Variants in EDC4 observed in about 807,000 individuals in gnomAD.
EDC4 encodes enhancer of mRNA decapping 4.
A neutral mutation model predicts 155.8 loss-of-function variants in EDC4; 64 were observed. That is an observed-to-expected ratio of 0.41 (90% CI 0.34 to 0.51). The LOEUF is 0.51. EDC4 is among the 20% of genes least tolerant of loss of function. The probability of loss-of-function intolerance (pLI) is 0.19; values close to 1 mark genes in which losing one functional copy is unlikely to be tolerated. For missense variants in EDC4, 1,303 were observed against 1,812.5 expected (o/e 0.72, Z 5.10); for synonymous variants, 684 against 716.8 (o/e 0.95, Z 0.73).
chr16:67,877,563 T>G lies in EDC4; in HGVS notation c.696T>G (p.Phe232Leu). The change falls in exon 6 of 29, where the codon TTT (phenylalanine) becomes TTG (leucine). Residue 232 changes from phenylalanine (F) to leucine (L), a missense_variant. Phe to Leu is a conservative substitution (Grantham distance 22). Transcript: ENST00000358933. This position sits in a 1 kb window ranked among gnomAD's most constrained non-coding sequence, Gnocchi z 4.9. Reference sequence around the variant, plus strand: ...CAGAGGGCACGCCACTGAACCACTTTCGCAGGATCATCTGGTGCCCCTTCA... The same window carrying G: ...CAGAGGGCACGCCACTGAACCACTTGCGCAGGATCATCTGGTGCCCCTTCA... ...RQPEGTPLNH[F>L]RRIIWCPFIP... 1.2e-6 allele frequency: 2 copies of G among 1,614,188 alleles called. No homozygotes were observed. Among genetic ancestry groups the G allele is most frequent in the Non-Finnish European group, 1.7e-6 (2 of 1,180,030 alleles).
rs200938098 is a variant in EDC4 at position 67,880,827 on chromosome 16, G to A, written c.2368G>A (p.Gly790Ser). The A allele has an allele frequency of 4.8e-5, 77 of 1,613,896 alleles. No individual in the cohort carries two copies. Among genetic ancestry groups the A allele is most frequent in the African/African-American group, 1.6e-4 (12 of 75,024 alleles). The part of the protein sequence containing the change: ...SPRPRPGPEL[G>S]PQLGLDGGPG... ...ACGGCCCCGGCCAGGGCCCGAGCTC[G>A]GCCCCCAGCTCGGGCTTGATGGAGG... Residue 790 changes from glycine (G) to serine (S), a missense_variant, in exon 18 of 29, where the codon GGC becomes AGC. Gly to Ser is a moderately conservative substitution (Grantham distance 56, BLOSUM62 0). Transcript: ENST00000358933. The surrounding 1 kb of genome is among the most constrained non-coding windows in gnomAD (Gnocchi z 5.2).
chr16:67,881,982 G>A lies in EDC4; in HGVS notation c.3033G>A (p.Glu1011=), dbSNP rs1398978298. 2.5e-6 allele frequency: 4 copies of A among 1,609,860 alleles called. No individual in the cohort carries two copies. The African/African-American group carries it at 5.4e-5, about 22-fold the overall frequency. The change falls in exon 23 of 29, where the codon GAG becomes GAA. Residue 1011 remains glutamate (E), a synonymous_variant. Coordinates refer to ENST00000358933, the MANE Select transcript of EDC4 (RefSeq NM_014329.5). The surrounding 1 kb of genome is among the most constrained non-coding windows in gnomAD (Gnocchi z 5.4). ...EQRRLERALA[E]GQQRGGQLQE... ...GGCGGCTGGAGCGAGCACTGGCTGAGGGGCAGCAGCGGGGAGGGCAGCTGC... is the reference window on the plus strand; with the variant it reads ...GGCGGCTGGAGCGAGCACTGGCTGAAGGGCAGCAGCGGGGAGGGCAGCTGC...
chr16:67,878,075 C>T lies in EDC4; in HGVS notation c.895-91C>T, dbSNP rs774138746. Reference sequence around the variant, plus strand: ...AGTCAGTCACACAAGCATGCCAGTCCCACCGTGAGTCAGCCCAGCTCATTG... The same window carrying T: ...AGTCAGTCACACAAGCATGCCAGTCTCACCGTGAGTCAGCCCAGCTCATTG... On this transcript the variant is annotated intron_variant, in intron 7 of 28. Transcript: ENST00000358933. This position sits in a 1 kb window ranked among gnomAD's most constrained non-coding sequence, Gnocchi z 5.2. 1.2e-4 allele frequency: 186 copies of T among 1,568,482 alleles called. No individual in the cohort carries two copies. Among genetic ancestry groups the T allele is most frequent in the Admixed American group, 2.0e-4 (11 of 53,802 alleles).
rs1194931970 is a variant in EDC4, at chr16:67,880,786, T to C, written c.2327T>C (p.Leu776Pro). ...PDSMASAASA[L>P]HLLSPRPRPG... Reference sequence around the variant, plus strand: ...AGTATGGCTTCAGCCGCCTCGGCACTGCACCTGCTGTCCCCACGGCCCCGG... The same window carrying C: ...AGTATGGCTTCAGCCGCCTCGGCACCGCACCTGCTGTCCCCACGGCCCCGG... Residue 776 changes from leucine to proline, a missense_variant, in exon 18 of 29, where the codon CTG becomes CCG. Leu to Pro is a moderately conservative substitution (Grantham distance 98). Around this residue, in one of 5 missense-constraint regions of EDC4, gnomAD observed 391 missense variants for 445.4 expected, o/e 0.88. Transcript: ENST00000358933. The surrounding 1 kb of genome is among the most constrained non-coding windows in gnomAD (Gnocchi z 5.2). 6.2e-7 allele frequency: 1 copy of C among 1,614,080 alleles called. No individual in the cohort carries two copies. Among genetic ancestry groups the C allele is most frequent in the East Asian group, 2.2e-5 (1 of 44,878 alleles).
Position 67,883,606 on chromosome 16 carries a change from G to T in EDC4, c.3888G>T (p.Val1296=), listed in dbSNP as rs747390521. ...CTGACCTGAACCTGGTGCTGTATGT[G>T]TGTGAAACTGTGGACCCAGCCCAGG... ...TAADLNLVLY[V]CETVDPAQVF... The change falls in exon 28 of 29, where the codon GTG becomes GTT. Residue 1296 remains valine (V), a synonymous_variant. Transcript: ENST00000358933. This position sits in a 1 kb window ranked among gnomAD's most constrained non-coding sequence, Gnocchi z 5.3. The T allele has an allele frequency of 6.2e-7, 1 of 1,614,122 alleles. No individual in the cohort carries two copies. Among genetic ancestry groups the T allele is most frequent in the Non-Finnish European group, 8.5e-7 (1 of 1,180,038 alleles).
rs186375418 is a variant in EDC4 at position 67,883,533 on chromosome 16, T to C, written c.3850-35T>C. On this transcript the variant is annotated intron_variant, in intron 27 of 28. Coordinates refer to ENST00000358933, the MANE Select transcript of EDC4 (RefSeq NM_014329.5). This position sits in a 1 kb window ranked among gnomAD's most constrained non-coding sequence, Gnocchi z 5.3. ...GACAAGCAGACATTCCATCCTGATA[T>C]TTGCTATAAACACTGCTGCTTTTTT... 5.4e-5 allele frequency: 86 copies of C among 1,607,242 alleles called. No individual in the cohort carries two copies. The highest frequency in any genetic ancestry group is 1.7e-4 in the Middle Eastern group (1 of 6,048).
intron 1 of EDC4, among the ~76,000 whole-genome samples, chr16:67,873,645 C>T (rs922311153): frequency 2.0e-4 from 30 of 152,308 alleles, no homozygotes; most frequent in African/African-American, 5.1e-4. Context: ...GTTCCTGGGA[C>T]TGGCCTAGCT....
chr16:67,883,227 C>A lies in EDC4; in HGVS notation c.3849+50C>A. On this transcript the variant is annotated intron_variant, in intron 27 of 28. Coordinates refer to ENST00000358933, the MANE Select transcript of EDC4 (RefSeq NM_014329.5). This position sits in a 1 kb window ranked among gnomAD's most constrained non-coding sequence, Gnocchi z 5.3. ...AAGGGTCACGTGTCTCTTGACAAGG[C>A]CCACATACCATACATTCTACTCCAC... is the stretch of plus-strand genomic sequence containing the variant. 2 of 1,508,598 alleles carry A rather than the reference C, an allele frequency of 1.3e-6. No homozygotes were observed. Among genetic ancestry groups the A allele is most frequent in the Non-Finnish European group, 8.9e-7 (1 of 1,127,278 alleles). The allele number at this position is 1,508,598 out of a possible 1,614,324, so 93.5% of individuals were successfully genotyped here.
At position 67,883,033 on chromosome 16, in the gene EDC4, G is replaced by A. The variant is rs756800871; in HGVS notation, c.3705G>A (p.Gln1235=). The A allele has an allele frequency of 1.2e-6, 2 of 1,613,980 alleles. No homozygotes were observed. The highest frequency in any genetic ancestry group is 1.1e-5 in the South Asian group (1 of 91,090). Residue 1235 remains glutamine (Q), a synonymous_variant, in exon 27 of 29, where the codon CAG becomes CAA. Transcript: ENST00000358933. The surrounding 1 kb of genome is among the most constrained non-coding windows in gnomAD (Gnocchi z 5.3). Reference sequence around the variant, plus strand: ...TGAGTGTGGCGCTCAAGGAGCAGCAGGCCGCCGTCACCTCCAGCATCATGC... The same window carrying A: ...TGAGTGTGGCGCTCAAGGAGCAGCAAGCCGCCGTCACCTCCAGCATCATGC... ...GEVSVALKEQ[Q]AAVTSSIMQA... is the part of the protein sequence containing the mutation.
chr16:67,881,709 A>C lies in EDC4; in HGVS notation c.2868A>C (p.Gln956His), dbSNP rs190579899. The C allele has an allele frequency of 6.2e-7, 1 of 1,614,084 alleles. No homozygotes were observed. The highest frequency in any genetic ancestry group is 2.2e-5 in the East Asian group (1 of 44,874). Residue 956 changes from glutamine (Q) to histidine (H), a missense_variant, in exon 22 of 29, where the codon CAA becomes CAC. Physicochemically the swap from Gln to His is conservative, Grantham distance 24. This residue lies in a region of EDC4 where 527 missense variants were observed against 757.0 expected (regional missense o/e 0.70). Coordinates refer to ENST00000358933, the MANE Select transcript of EDC4 (RefSeq NM_014329.5). This position sits in a 1 kb window ranked among gnomAD's most constrained non-coding sequence, Gnocchi z 5.4. The part of the protein sequence containing the change: ...PPEDWPALIW[Q>H]QQRELAELRH... ...AGGACTGGCCAGCACTAATTTGGCA[A>C]CAGCAGAGAGAGCTGGCAGAGCTGC...
At position 67,879,742 on chromosome 16, in the gene EDC4, G is replaced by A. The variant is rs758003306; in HGVS notation, c.1789G>A (p.Ala597Thr). Residue 597 changes from alanine to threonine, a missense_variant, in exon 15 of 29, where the codon GCC (alanine) becomes ACC (threonine). By Grantham distance (58) the Ala-to-Thr change is moderately conservative. This residue lies in a region of EDC4 where 391 missense variants were observed against 445.4 expected (regional missense o/e 0.88). Transcript: ENST00000358933. This position sits in a 1 kb window ranked among gnomAD's most constrained non-coding sequence, Gnocchi z 6.0. ...ETKPKLMTPDAFMTPSASLQQ... is the reference protein window; with the variant it reads ...ETKPKLMTPDTFMTPSASLQQ... ...CAAGCCCAAGTTGATGACACCTGAC[G>A]CCTTCATGACACCTAGCGCCTCCTT... 5 of 1,614,168 alleles carry A rather than the reference G, an allele frequency of 3.1e-6. No individual in the cohort carries two copies. The highest frequency in any genetic ancestry group is 2.2e-5 in the East Asian group (1 of 44,878).
chr16:67,884,237 C>T lies in EDC4; in HGVS notation c.*89C>T, dbSNP rs2058083713. 2 of 1,245,110 alleles carry T rather than the reference C, an allele frequency of 1.6e-6. No homozygotes were observed. Among genetic ancestry groups the T allele is most frequent in the East Asian group, 2.6e-5 (1 of 39,004 alleles). The allele number at this position is 1,245,110 out of a possible 1,614,324, so 77.1% of individuals were successfully genotyped here. A position where few individuals can be genotyped will look rare whatever the true frequency, so the allele number is the denominator to read the frequency against. ...GGGCAGGGTCACGGCTGGCCTTTAC[C>T]TGCTCAGGCCCCCATCTCTGGGGTG... On this transcript the variant is annotated 3_prime_UTR_variant, in exon 29 of 29. Transcript: ENST00000358933. The surrounding 1 kb of genome is among the most constrained non-coding windows in gnomAD (Gnocchi z 4.1).
Position 67,882,533 on chromosome 16 carries a change from G to A in EDC4, c.3381G>A (p.Glu1127=), listed in dbSNP as rs1480488543. ...AFQSVVLPAF[E]KSCQAMFQQI... ...AGAGTGTGGTGCTGCCGGCCTTTGA[G>A]AAGAGCTGCCAGGCCATGTTCCAGC... Residue 1127 remains glutamate (E), a synonymous_variant, in exon 25 of 29, where the codon GAG becomes GAA. Coordinates refer to ENST00000358933, the MANE Select transcript of EDC4 (RefSeq NM_014329.5). This position sits in a 1 kb window ranked among gnomAD's most constrained non-coding sequence, Gnocchi z 7.2. 6.2e-6 allele frequency: 10 copies of A among 1,614,110 alleles called. No individual in the cohort carries two copies. Among genetic ancestry groups the A allele is most frequent in the Non-Finnish European group, 8.5e-6 (10 of 1,180,052 alleles).
chr16:67,878,311 G>A lies in EDC4; in HGVS notation c.1004+36G>A, dbSNP rs769660158. On this transcript the variant is annotated intron_variant, in intron 8 of 28. Transcript: ENST00000358933. This position sits in a 1 kb window ranked among gnomAD's most constrained non-coding sequence, Gnocchi z 5.2. ...GCCTCAGGGACCAGGATCCTCCCGA[G>A]GTAGCCCACCCGACCACTCACTCAG... 6.2e-7 allele frequency: 1 copy of A among 1,614,196 alleles called. No homozygotes were observed. The highest frequency in any genetic ancestry group is 8.5e-7 in the Non-Finnish European group (1 of 1,180,050).
Position 67,876,367 on chromosome 16 carries a change from G to A in EDC4, c.240-121G>A. 2 of 1,458,804 alleles carry A rather than the reference G, an allele frequency of 1.4e-6. No homozygotes were observed. The highest frequency in any genetic ancestry group is 2.8e-5 in the African/African-American group (2 of 70,926). The allele number at this position is 1,458,804 out of a possible 1,614,324, so 90.4% of individuals were successfully genotyped here. A position where few individuals can be genotyped will look rare whatever the true frequency, so the allele number is the denominator to read the frequency against. The stretch of plus-strand genomic sequence containing the variant: ...CTGTGGGTCTGGGGCCAGTGGACCA[G>A]GCGAAGCTGACATTGGACTAGATAC... On this transcript the variant is annotated intron_variant, in intron 2 of 28. Transcript: ENST00000358933. This position sits in a 1 kb window ranked among gnomAD's most constrained non-coding sequence, Gnocchi z 5.8.
In EDC4 at chr16:67,880,411, C is replaced by A; in HGVS notation, c.2098-146C>A. ...AGCCTCCCTGTCCCCACCTCCTCTT[C>A]TTGGCTGTGGCCTCGTTTTTGACCT... On this transcript the variant is annotated intron_variant, in intron 17 of 28. Coordinates refer to ENST00000358933, the MANE Select transcript of EDC4 (RefSeq NM_014329.5). This position sits in a 1 kb window ranked among gnomAD's most constrained non-coding sequence, Gnocchi z 5.2. The A allele has an allele frequency of 7.3e-7, 1 of 1,360,892 alleles. No homozygotes were observed. Among genetic ancestry groups the A allele is most frequent in the Non-Finnish European group, 1.0e-6 (1 of 998,468 alleles). The allele number at this position is 1,360,892 out of a possible 1,614,324, so 84.3% of individuals were successfully genotyped here.
rs779185063 is a variant in EDC4 at position 67,880,041 on chromosome 16, C to A, written c.1944-22C>A. The stretch of plus-strand genomic sequence containing the variant: ...GATGATGCCAAGCTCTGGCTGCTGA[C>A]ACCTCAGCCTTCCCCCACCAGGCCA... On this transcript the variant is annotated intron_variant, in intron 16 of 28. Transcript: ENST00000358933. The surrounding 1 kb of genome is among the most constrained non-coding windows in gnomAD (Gnocchi z 5.2). The A allele has an allele frequency of 3.1e-6, 5 of 1,590,094 alleles. No individual in the cohort carries two copies. The South Asian group carries it at 5.7e-5, about 18-fold the overall frequency.
In EDC4 at chr16:67,878,386, A is replaced by T; in HGVS notation, c.1031A>T (p.Asp344Val). The change falls in exon 9 of 29, where the codon GAT becomes GTT. Residue 344 changes from aspartate (D) to valine (V), a missense_variant. Asp to Val is a radical substitution (Grantham distance 152). This residue lies in a region of EDC4 where 235 missense variants were observed against 367.7 expected (regional missense o/e 0.64). Transcript: ENST00000358933. The surrounding 1 kb of genome is among the most constrained non-coding windows in gnomAD (Gnocchi z 5.2). ...TGTCTGCACGAGTGGAAACCTCATGATGGGCGGCCCCTCTCCTGCCTCCTG... is the reference window on the plus strand; with the variant it reads ...TGTCTGCACGAGTGGAAACCTCATGTTGGGCGGCCCCTCTCCTGCCTCCTG... The part of the protein sequence containing the change: ...PRCLHEWKPH[D>V]GRPLSCLLFC... 6.2e-7 allele frequency: 1 copy of T among 1,614,186 alleles called. No homozygotes were observed. Among genetic ancestry groups the T allele is most frequent in the Non-Finnish European group, 8.5e-7 (1 of 1,180,026 alleles).
At position 67,880,234 on chromosome 16, in the gene EDC4, T is replaced by A. The variant is rs2058060574; in HGVS notation, c.2097+18T>A. The A allele has an allele frequency of 6.3e-7, 1 of 1,581,614 alleles. No homozygotes were observed. On this transcript the variant is annotated intron_variant, in intron 17 of 28. Transcript: ENST00000358933. The surrounding 1 kb of genome is among the most constrained non-coding windows in gnomAD (Gnocchi z 5.2). ...CGGGCCAGGTGTGTGACTGGGTGTG[T>A]GTGTGAAGTGTGGGGAGCAGGTGGG...
Sources: gnomAD v4.1 joint callset for allele counts (sites outside exome capture counted in the v4.1 genomes callset) on GRCh38, gnomAD v4.1.1 for gene constraint, gnomAD v4.1.1 regional missense constraint, Gnocchi (gnomAD v3.1) non-coding constraint, MANE v1.5 for transcripts, NCBI Gene and HGNC (gene_info 2026-07-23, HGNC 2026-07-21) for gene names.